EPM2A: variants seen among roughly 807,000 people sequenced by gnomAD.
EPM2A encodes EPM2A glucan phosphatase, laforin.
EPM2A carries 21 observed loss-of-function variants against 26.5 expected under a neutral mutation model. That is an observed-to-expected ratio of 0.79 (90% confidence interval 0.56 to 1.14). EPM2A has a LOEUF of 1.14. Ranked by LOEUF, EPM2A falls within the 50% of genes most tolerant of loss-of-function variation. The probability of loss-of-function intolerance (pLI) is 0.00; values close to 1 mark genes in which losing one functional copy is unlikely to be tolerated. For missense variants in EPM2A, 458 were observed against 440.8 expected (o/e 1.04, Z -0.35); for synonymous variants, 217 against 177.6 (o/e 1.22, Z -1.76).
intron 2 of EPM2A, among the ~76,000 whole-genome samples, chr6:145,562,690 C>G (rs1278107403): frequency 1.3e-5 from 2 of 152,076 alleles, no homozygotes; most frequent in African/African-American, 4.8e-5. Context: ...ACACCATTTT[C>G]CTGTCTGCAT....
intron 4 of EPM2A, among the ~76,000 whole-genome samples, chr6:145,466,789 T>C (rs1407613960): frequency 6.6e-6 from 1 of 152,180 alleles, no homozygotes; most frequent in African/African-American, 2.4e-5. Flanking sequence ...GTGGCATATA[T>C]ACACCATGGA....
At chr6:145,479,781 A>G (rs1779590510) in intron 4 of EPM2A, among the ~76,000 whole-genome samples, 1 of 152,140 alleles carries the variant, frequency 6.6e-6, no homozygotes, top group Admixed American at 6.6e-5. Flanking sequence ...CTAGCAGTTG[A>G]GTTGATGAGT....
At chr6:145,482,158 G>T (rs1029952522) in intron 4 of EPM2A, among the ~76,000 whole-genome samples, 3 of 152,144 alleles carry the variant, frequency 2.0e-5, no homozygotes, top group African/African-American at 7.2e-5. Flanking sequence ...AAGCAGTGCA[G>T]AATTTGCAAA....
chr6:145,427,909 C>T (rs529180771), intron 4 of EPM2A, among the ~76,000 whole-genome samples: 53 of 152,162 alleles, frequency 3.5e-4, no homozygotes, highest in African/African-American at 1.2e-3. Flanking sequence ...TCTCCTTAAG[C>T]CAGGAAGTAC....
intron 4 of EPM2A, among the ~76,000 whole-genome samples, chr6:145,417,985 C>T (rs924107444): frequency 6.6e-6 from 1 of 152,140 alleles, no homozygotes; most frequent in Admixed American, 6.5e-5. Flanking sequence ...CCCACTCCCT[C>T]CCTCACACCC....
intron 4 of EPM2A, among the ~76,000 whole-genome samples, chr6:145,478,197 T>C: frequency 6.6e-6 from 1 of 151,708 alleles, no homozygotes; most frequent in East Asian, 1.9e-4. Context: ...CACATAAAAT[T>C]AAATACCTTG....
rs576045884 is a variant in EPM2A, at chr6:145,683,463, G to A, written c.476+2659C>T. On this transcript the variant is annotated intron_variant, in intron 2 of 3. Coordinates refer to ENST00000367519, the MANE Select transcript of EPM2A (RefSeq NM_005670.4). ...ATTTACACCTTGCAGTGGATAACAG[G>A]TTGAATTACCTGAGAATTCAGTAGG... Among the ~76,000 whole-genome samples, 3 of 151,606 alleles carry A rather than the reference G, an allele frequency of 2.0e-5. No homozygotes were observed. In the East Asian group the frequency reaches 5.8e-4, roughly 29 times the overall value.
chr6:145,696,063 A>G (rs529796113), intron 1 of EPM2A, among the ~76,000 whole-genome samples: 1 of 152,262 alleles, frequency 6.6e-6, no homozygotes, highest in African/African-American at 2.4e-5. Flanking sequence ...GAAGACTGAA[A>G]TCATATCCAG....
intron 1 of EPM2A, among the ~76,000 whole-genome samples, chr6:145,721,913 A>G (rs979226525): frequency 3.3e-5 from 5 of 152,222 alleles, no homozygotes; most frequent in Non-Finnish European, 7.4e-5. Context: ...TTTGGGGGGA[A>G]AAATTCATAA....
At chr6:145,600,917 CAA>C (rs2128550083) in intron 2 of EPM2A, among the ~76,000 whole-genome samples, 1 of 152,340 alleles carries the variant, frequency 6.6e-6, no homozygotes, top group Non-Finnish European at 1.5e-5. Context: ...AGCACTTTAA[CAA>C]AGTCTCCACT....
At chr6:145,686,381 G>A in intron 1 of EPM2A, 85 bp from the exon 2 acceptor site, 1 of 1,074,318 alleles carries the variant, frequency 9.3e-7, no homozygotes, top group South Asian at 1.3e-5. Context: ...AAAATTAATA[G>A]CAAGAAAAAA....
chr6:145,696,494 T>C (rs1432985004), intron 1 of EPM2A, among the ~76,000 whole-genome samples: 1 of 152,090 alleles, frequency 6.6e-6, no homozygotes, highest in African/African-American at 2.4e-5. Context: ...TTATTCCACA[T>C]ATATACTCAT....
chr6:145,726,296 T>C (rs1290870646), intron 1 of EPM2A, among the ~76,000 whole-genome samples: 1 of 152,002 alleles, frequency 6.6e-6, no homozygotes, highest in Non-Finnish European at 1.5e-5. Context: ...TAAAATAATA[T>C]CCGTGAATTC....
chr6:145,650,218 C>T (rs1777783798), intron 2 of EPM2A, among the ~76,000 whole-genome samples: 4 of 152,092 alleles, frequency 2.6e-5, no homozygotes, highest in Admixed American at 2.6e-4. Context: ...GCACTTTCTC[C>T]TCTCATTTCC....
chr6:145,400,516 C>T (rs1778469878), intron 4 of EPM2A, among the ~76,000 whole-genome samples: 1 of 152,140 alleles, frequency 6.6e-6, no homozygotes, highest in Non-Finnish European at 1.5e-5. Context: ...TTCGGCACAA[C>T]AGCTGGCCTT....
intron 4 of EPM2A, among the ~76,000 whole-genome samples, chr6:145,463,619 T>C (rs1424242587): frequency 6.6e-6 from 1 of 152,132 alleles, no homozygotes; most frequent in African/African-American, 2.4e-5. Context: ...CTGGTATATA[T>C]ATAAATCTAT....
chr6:145,682,997 T>C (rs1363184383), intron 2 of EPM2A, among the ~76,000 whole-genome samples: 4 of 152,160 alleles, frequency 2.6e-5, no homozygotes, highest in African/African-American at 7.2e-5. Context: ...TTATACATTG[T>C]CAGATGAACA....
intron 2 of EPM2A, among the ~76,000 whole-genome samples, chr6:145,592,022 A>C (rs1781279819): frequency 6.6e-6 from 1 of 151,908 alleles, no homozygotes; most frequent in Non-Finnish European, 1.5e-5. Context: ...TATTTTTTTA[A>C]AATTATACTT....
intron 4 of EPM2A, among the ~76,000 whole-genome samples, chr6:145,449,461 T>A (rs1489214772): frequency 6.6e-6 from 1 of 152,150 alleles, no homozygotes; most frequent in East Asian, 1.9e-4. Context: ...TGAGAAAAAA[T>A]TTGCCAGAAT....
Sources: gnomAD v4.1 joint callset for allele counts (sites outside exome capture counted in the v4.1 genomes callset) on GRCh38, gnomAD v4.1.1 for gene constraint, MANE v1.5 for transcripts, NCBI Gene and HGNC (gene_info 2026-07-23, HGNC 2026-07-21) for gene names.